FAM178B: variants seen among roughly 807,000 people sequenced by gnomAD.
The protein encoded by FAM178B is family with sequence similarity 178 member B.
Under a neutral mutation model 91.7 loss-of-function variants are expected in FAM178B, and 82 were observed. The ratio of observed to expected loss-of-function variants is 0.89; its 90% CI spans 0.75 to 1.07. The LOEUF (loss-of-function observed/expected upper bound fraction) is 1.07, where lower values mean the gene tolerates loss of function less well. FAM178B is among the 50% of genes least tolerant of loss of function. FAM178B has a pLI of 0.00. For missense variants in FAM178B, 769 were observed against 846.7 expected, an observed-to-expected ratio of 0.91 and a Z score of 1.14; for synonymous variants, 368 against 359.4, an observed-to-expected ratio of 1.02 and a Z score of -0.27.
chr2:96,910,380 AC>A (rs2081131456), intron 12 of FAM178B, among the ~76,000 whole-genome samples: 2 of 151,906 alleles, frequency 1.3e-5, no homozygotes, highest in Admixed American at 6.6e-5. Context: ...AGCCTCCCAC[AC>A]TCTCTTAGGC....
chr2:96,880,805 A>G (rs753120088), intron 14 of FAM178B, among the ~76,000 whole-genome samples: 2 of 152,132 alleles, frequency 1.3e-5, no homozygotes, highest in African/African-American at 2.4e-5. Flanking sequence ...CGTGTTAGCC[A>G]GGATGGCCTC....
intron 9 of FAM178B, among the ~76,000 whole-genome samples, chr2:96,927,901 A>C (rs1477338285): frequency 6.6e-6 from 1 of 152,058 alleles, no homozygotes; most frequent in Admixed American, 6.5e-5. Flanking sequence ...TCTGAGTGTA[A>C]TTCTCTCCCC....
chr2:96,978,575 T>C (rs533576654), intron 1 of FAM178B, among the ~76,000 whole-genome samples: 1 of 152,286 alleles, frequency 6.6e-6, no homozygotes, highest in South Asian at 2.1e-4. Flanking sequence ...TTATTTCATG[T>C]AGGATACAGG....
At chr2:96,886,770 C>T (rs1219559778) in intron 14 of FAM178B, among the ~76,000 whole-genome samples, 1 of 152,222 alleles carries the variant, frequency 6.6e-6, no homozygotes, top group Non-Finnish European at 1.5e-5. Context: ...AAGGGACCTT[C>T]CCCACTGTGC....
Position 96,986,430 on chromosome 2 carries a change from G to A in FAM178B, c.-117C>T, listed in dbSNP as rs1481926131. ...AGGAGCAGGCTCCCCAGGCGGCGCA[G>A]TGGGAGGACCCCAAGAGTTGCGTCC... is the stretch of plus-strand genomic sequence containing the variant. On this transcript the variant is annotated 5_prime_UTR_variant, in exon 1 of 17. Transcript: ENST00000490605. 7.9e-7 allele frequency: 1 copy of A among 1,267,120 alleles called. No individual in the cohort carries two copies. Among genetic ancestry groups the A allele is most frequent in the African/African-American group, 1.5e-5 (1 of 66,004 alleles). The allele number at this position is 1,267,120 out of a possible 1,614,324, so 78.5% of individuals were successfully genotyped here.
intron 13 of FAM178B, among the ~76,000 whole-genome samples, chr2:96,896,344 G>A: frequency 6.6e-6 from 1 of 152,168 alleles, no homozygotes; most frequent in Non-Finnish European, 1.5e-5. Flanking sequence ...TGTGCCTTCC[G>A]ATTGTTTATT....
chr2:96,945,341 G>A (rs1016418184), intron 8 of FAM178B, among the ~76,000 whole-genome samples: 2 of 150,882 alleles, frequency 1.3e-5, no homozygotes, highest in African/African-American at 2.5e-5. Flanking sequence ...GAGCACACCC[G>A]TAATAGTCAA....
chr2:96,979,037 T>G lies in FAM178B; in HGVS notation c.74-6431A>C, dbSNP rs1376030910. Among the ~76,000 whole-genome samples, 10 of 144,288 alleles carry G rather than the reference T, an allele frequency of 6.9e-5. No individual in the cohort carries two copies. In the East Asian group the frequency reaches 2.1e-3, roughly 30 times the overall value. 94.7% of individuals were successfully genotyped at this position (144,288 alleles called of 152,430 possible). Reference sequence around the variant, plus strand: ...CTGTTGCCAGGCTGGAGTGCAGTGGTGTGATCTCAGCTCACTGCAACCTCC... The same window carrying G: ...CTGTTGCCAGGCTGGAGTGCAGTGGGGTGATCTCAGCTCACTGCAACCTCC... On this transcript the variant is annotated intron_variant, in intron 1 of 16. Transcript: ENST00000490605.
At chr2:96,979,378 T>C (rs1423966507) in intron 1 of FAM178B, among the ~76,000 whole-genome samples, 3 of 151,864 alleles carry the variant, frequency 2.0e-5, no homozygotes, top group African/African-American at 2.4e-5. Flanking sequence ...TTTTGTACTT[T>C]ATTAGTAGAG....
At chr2:96,959,695 A>G (rs896044843) in intron 6 of FAM178B, among the ~76,000 whole-genome samples, 5 of 152,212 alleles carry the variant, frequency 3.3e-5, no homozygotes, top group Admixed American at 2.0e-4. Context: ...TCTTGGATAT[A>G]TTAGCTCATA....
chr2:96,979,574 C>CT (rs1000695907), intron 1 of FAM178B, among the ~76,000 whole-genome samples: 71 of 152,194 alleles, frequency 4.7e-4, no homozygotes, highest in African/African-American at 1.7e-3. Flanking sequence ...GCTATTGTGA[C>CT]TAGTGCTGTG....
chr2:96,918,073 A>G (rs975910958), intron 12 of FAM178B, among the ~76,000 whole-genome samples: 6 of 152,086 alleles, frequency 3.9e-5, no homozygotes, highest in South Asian at 2.1e-4. Flanking sequence ...CCACATGGAA[A>G]GATTACATTA....
intron 13 of FAM178B, among the ~76,000 whole-genome samples, chr2:96,899,441 A>C (rs1300159782): frequency 6.6e-6 from 1 of 152,176 alleles, no homozygotes; most frequent in African/African-American, 2.4e-5. Flanking sequence ...CATGGTGGGC[A>C]TGCAGCAAGT....
At chr2:96,901,179 T>C (rs1378364648) in intron 13 of FAM178B, among the ~76,000 whole-genome samples, 2 of 101,912 alleles carry the variant, frequency 2.0e-5, no homozygotes, top group African/African-American at 5.2e-5. Context: ...CTTTTTTCTT[T>C]TTTTTTTTTT....
chr2:96,977,141 G>C (rs2082298805), intron 1 of FAM178B, among the ~76,000 whole-genome samples: 1 of 136,058 alleles, frequency 7.3e-6, no homozygotes. Flanking sequence ...GTTGCAGTGA[G>C]CCAAGATCAC....
chr2:96,977,839 T>C (rs1796048), intron 1 of FAM178B: 265,777 of 455,848 alleles, frequency 0.58, 90,614 homozygotes, highest in Non-Finnish European at 0.77. Context: ...TACTCCAGCG[T>C]TGACGGTTTT....
chr2:96,895,703 A>G (rs12464868), intron 13 of FAM178B, among the ~76,000 whole-genome samples: 65,826 of 152,190 alleles, frequency 0.43, 16,080 homozygotes, highest in South Asian at 0.73. Flanking sequence ...GTAGTTCACA[A>G]AAGCACCATC....
chr2:96,978,032 A>G, intron 1 of FAM178B: 1 of 403,316 alleles, frequency 2.5e-6, no homozygotes, highest in Admixed American at 2.9e-5. Flanking sequence ...AAAAAAAATG[A>G]CACAACTTCT....
At chr2:96,917,044 C>A (rs1346258121) in intron 12 of FAM178B, among the ~76,000 whole-genome samples, 5 of 152,148 alleles carry the variant, frequency 3.3e-5, no homozygotes, top group Non-Finnish European at 7.3e-5. Flanking sequence ...CCTTTACAAC[C>A]CAATCAGGGA....
Sources: allele counts gnomAD v4.1 joint callset (sites outside exome capture counted in the v4.1 genomes callset), GRCh38; gene constraint gnomAD v4.1.1; transcripts MANE v1.5; gene names NCBI Gene and HGNC (gene_info 2026-07-23, HGNC 2026-07-21).